Variants in ITPR2 observed in about 807,000 individuals in gnomAD.
ITPR2 encodes inositol 1,4,5-trisphosphate receptor type 2, also known as inositol 1,4,5-trisphosphate-gated calcium channel ITPR2.
In ITPR2, 207 loss-of-function variants were observed where a neutral mutation model predicts 317.1. The observed-to-expected ratio is 0.65, with a 90% confidence interval of 0.58 to 0.73. ITPR2 has a LOEUF of 0.73. Ranked by LOEUF, ITPR2 falls within the 30% of genes least tolerant of loss-of-function variation. The pLI is 0.00. For synonymous variants in ITPR2, 1,156 were observed against 1,149.1 expected (o/e 1.01, Z -0.12); for missense variants, 2,613 against 3,284.0 (o/e 0.80, Z 4.99).
intron 34 of ITPR2, among the ~76,000 whole-genome samples, chr12:26,562,333 T>C (rs1467128539): frequency 2.6e-5 from 4 of 152,188 alleles, no homozygotes; most frequent in East Asian, 1.9e-4. Flanking sequence ...TTAATTTAAG[T>C]AGTGTTTGTG....
intron 37 of ITPR2, among the ~76,000 whole-genome samples, chr12:26,524,322 G>C (rs186952370): frequency 3.3e-5 from 5 of 152,220 alleles, no homozygotes; most frequent in African/African-American, 1.2e-4. Flanking sequence ...TGAGCCACAG[G>C]GGGTACTATA....
At chr12:26,603,055 T>G (rs980456916) in intron 26 of ITPR2, among the ~76,000 whole-genome samples, 1 of 152,086 alleles carries the variant, frequency 6.6e-6, no homozygotes, top group African/African-American at 2.4e-5. Context: ...GAAGAAATAG[T>G]GAAAATACAG....
intron 44 of ITPR2, among the ~76,000 whole-genome samples, chr12:26,476,569 C>T (rs188430293): frequency 1.6e-4 from 24 of 152,164 alleles, no homozygotes; most frequent in African/African-American, 5.8e-4. Flanking sequence ...TTGAAGAGTA[C>T]AAACATTTTT....
At chr12:26,654,881 C>A (rs1342744629) in intron 20 of ITPR2, among the ~76,000 whole-genome samples, 1 of 152,198 alleles carries the variant, frequency 6.6e-6, no homozygotes. Flanking sequence ...TAGATGGCTG[C>A]AATCCCAGTC....
chr12:26,636,095 T>C (rs1392131223), intron 21 of ITPR2, among the ~76,000 whole-genome samples: 3 of 152,176 alleles, frequency 2.0e-5, no homozygotes, highest in African/African-American at 7.2e-5. Context: ...ACATGCATGG[T>C]TTTTATTCCA....
At chr12:26,476,403 C>A (rs1187404436) in intron 44 of ITPR2, among the ~76,000 whole-genome samples, 1 of 152,178 alleles carries the variant, frequency 6.6e-6, no homozygotes, top group Non-Finnish European at 1.5e-5. Context: ...ATAACTTCTA[C>A]AATAGGAAGA....
In ITPR2 at chr12:26,656,425, G is replaced by A. The variant is rs191593356; in HGVS notation, c.2316C>T (p.Phe772=). 118 of 1,614,206 alleles carry A rather than the reference G, an allele frequency of 7.3e-5. No homozygotes were observed. Among genetic ancestry groups the A allele is most frequent in the Admixed American group, 2.2e-4 (13 of 60,022 alleles). ...LRCVSDESLP[F]DLRASFCRLM... The stretch of plus-strand genomic sequence containing the variant: ...GGCGACAGAAGGACGCTCGGAGGTC[G>A]AACGGCAGGCTCTCATCCGACACAC... The change falls in exon 19 of 57, where the codon TTC becomes TTT. Residue 772 remains phenylalanine, a synonymous_variant. Transcript: ENST00000381340.
intron 1 of ITPR2, among the ~76,000 whole-genome samples, chr12:26,816,510 C>A (rs1046507146): frequency 6.6e-6 from 1 of 152,148 alleles, no homozygotes; most frequent in African/African-American, 2.4e-5. Context: ...ATTTTTCATT[C>A]CCTCAACATA....
At chr12:26,605,147 A>C (rs1436613975) in intron 26 of ITPR2, among the ~76,000 whole-genome samples, 2 of 148,512 alleles carry the variant, frequency 1.3e-5, no homozygotes, top group Non-Finnish European at 3.0e-5. Context: ...ATATATGAGA[A>C]AGTGTTAAAC....
intron 37 of ITPR2, among the ~76,000 whole-genome samples, chr12:26,531,698 T>C (rs1197871678): frequency 6.6e-6 from 1 of 151,922 alleles, no homozygotes; most frequent in African/African-American, 2.4e-5. Context: ...TGTATCTGAA[T>C]GATTCAAGAC....
chr12:26,780,254 T>G (rs2137175981), intron 2 of ITPR2, among the ~76,000 whole-genome samples: 1 of 152,292 alleles, frequency 6.6e-6, no homozygotes, highest in Middle Eastern at 3.4e-3. Context: ...CTTGGGGTGA[T>G]CGGCCAGCTC....
At chr12:26,661,886 C>T (rs541875297) in intron 15 of ITPR2, among the ~76,000 whole-genome samples, 12 of 152,238 alleles carry the variant, frequency 7.9e-5, no homozygotes, top group Admixed American at 2.6e-4. Flanking sequence ...TGTCCTGCTA[C>T]TTAATTCTTC....
At chr12:26,448,813 G>A (rs1158881402) in intron 45 of ITPR2, among the ~76,000 whole-genome samples, 1 of 151,974 alleles carries the variant, frequency 6.6e-6, no homozygotes, top group Non-Finnish European at 1.5e-5. Flanking sequence ...CACTAAATAG[G>A]AATAAGAACA....
intron 1 of ITPR2, among the ~76,000 whole-genome samples, chr12:26,797,894 G>A (rs1053896528): frequency 1.3e-5 from 2 of 151,800 alleles, no homozygotes; most frequent in Non-Finnish European, 2.9e-5. Flanking sequence ...GTTTCATCTC[G>A]TTGGTCAGGC....
chr12:26,420,856 T>G (rs1940867150), intron 49 of ITPR2, among the ~76,000 whole-genome samples: 1 of 152,012 alleles, frequency 6.6e-6, no homozygotes, highest in South Asian at 2.1e-4. Flanking sequence ...AAAAAGAGAG[T>G]GTCCAGAAGT....
chr12:26,385,803 C>T (rs1053758086), intron 55 of ITPR2, among the ~76,000 whole-genome samples: 6 of 152,102 alleles, frequency 3.9e-5, no homozygotes, highest in Non-Finnish European at 7.4e-5. Flanking sequence ...TGCCACCCCA[C>T]CCCCCATCAA....
chr12:26,555,664 G>C (rs930092837), intron 36 of ITPR2, among the ~76,000 whole-genome samples: 1 of 152,144 alleles, frequency 6.6e-6, no homozygotes, highest in Non-Finnish European at 1.5e-5. Flanking sequence ...ATCAGTAAAC[G>C]GAAGAGCGGC....
intron 26 of ITPR2, among the ~76,000 whole-genome samples, chr12:26,610,663 AATAAT>A (rs1245911928): frequency 1.3e-5 from 2 of 152,228 alleles, no homozygotes; most frequent in African/African-American, 4.8e-5. Flanking sequence ...ACTCAATAAT[AATAAT>A]ATATCATGTC....
At chr12:26,786,349 A>G (rs897359050) in intron 2 of ITPR2, among the ~76,000 whole-genome samples, 15 of 131,116 alleles carry the variant, frequency 1.1e-4, no homozygotes, top group Non-Finnish European at 1.9e-4. Flanking sequence ...TAGGAAAACC[A>G]GAGACCTTTG....
Sources: gnomAD v4.1 joint callset for allele counts (sites outside exome capture counted in the v4.1 genomes callset) on GRCh38, gnomAD v4.1.1 for gene constraint, MANE v1.5 for transcripts, NCBI Gene and HGNC (gene_info 2026-07-23, HGNC 2026-07-21) for gene names.